Variants in RUNDC3B observed in about 807,000 individuals in gnomAD.
RUNDC3B encodes RUN domain-containing protein 3B.
In RUNDC3B, 33 loss-of-function variants were observed where a neutral mutation model predicts 58.4. That is an observed-to-expected ratio of 0.56 (90% CI 0.43 to 0.75). The LOEUF is 0.75. Ranked by LOEUF, RUNDC3B falls within the 30% of genes least tolerant of loss-of-function variation. RUNDC3B has a pLI of 0.00. For synonymous variants in RUNDC3B, 193 were observed against 195.2 expected, an observed-to-expected ratio of 0.99 and a Z score of 0.10; for missense variants, 501 against 535.7, an observed-to-expected ratio of 0.94 and a Z score of 0.64.
At chr7:87,726,742 T>G (rs1266570108) in intron 4 of RUNDC3B, among the ~76,000 whole-genome samples, 2 of 152,218 alleles carry the variant, frequency 1.3e-5, no homozygotes, top group Non-Finnish European at 1.5e-5. Flanking sequence ...TGTTCTTCCA[T>G]TTGTTTGTGT....
At chr7:87,709,958 C>T (rs912688700) in intron 3 of RUNDC3B, among the ~76,000 whole-genome samples, 1 of 152,058 alleles carries the variant, frequency 6.6e-6, no homozygotes, top group African/African-American at 2.4e-5. Context: ...AATATGCTGG[C>T]TTCTGTTTTT....
chr7:87,773,505 T>C (rs1217926834), intron 7 of RUNDC3B, among the ~76,000 whole-genome samples: 1 of 152,174 alleles, frequency 6.6e-6, no homozygotes, highest in African/African-American at 2.4e-5. Flanking sequence ...ATTTATAGAT[T>C]GAACGGATAT....
chr7:87,707,785 GT>G (rs1829740966), intron 3 of RUNDC3B, among the ~76,000 whole-genome samples: 1 of 152,092 alleles, frequency 6.6e-6, no homozygotes, highest in African/African-American at 2.4e-5. Context: ...CTGAGCCATA[GT>G]TTATCTCAGT....
intron 2 of RUNDC3B, among the ~76,000 whole-genome samples, chr7:87,681,741 A>T (rs1207688061): frequency 7.2e-6 from 1 of 137,974 alleles, no homozygotes; most frequent in Non-Finnish European, 1.6e-5. Context: ...GGCTGGGCAC[A>T]GTGGCTTACA....
At chr7:87,817,882 A>C (rs1164839797) in intron 10 of RUNDC3B, among the ~76,000 whole-genome samples, 1 of 152,232 alleles carries the variant, frequency 6.6e-6, no homozygotes, top group African/African-American at 2.4e-5. Flanking sequence ...TTATTGATCA[A>C]GTAACCATAT....
chr7:87,751,943 G>A (rs1002128870), intron 6 of RUNDC3B, among the ~76,000 whole-genome samples: 6 of 152,276 alleles, frequency 3.9e-5, no homozygotes, highest in African/African-American at 1.4e-4. Flanking sequence ...GGGCATCCCT[G>A]TCTTGTGCCA....
chr7:87,804,550 C>T lies in RUNDC3B; in HGVS notation c.957-2823C>T, dbSNP rs185871251. Among the ~76,000 whole-genome samples, 27 of 152,130 alleles carry T rather than the reference C, an allele frequency of 1.8e-4. 1 individual carries two copies. The East Asian group carries it at 4.4e-3, about 25-fold the overall frequency. ...TCTAGAAATTTAGAGGTAGATACCA[C>T]GGGGAAGTTCTGAAAATTAGCTGTG... On this transcript the variant is annotated intron_variant, in intron 8 of 10. Coordinates refer to ENST00000394654, the MANE Select transcript of RUNDC3B (RefSeq NM_001134405.2).
chr7:87,666,059 C>G (rs1382408677), intron 2 of RUNDC3B, among the ~76,000 whole-genome samples: 15 of 152,088 alleles, frequency 9.9e-5, no homozygotes, highest in Non-Finnish European at 1.5e-5. Context: ...AATTGCCATA[C>G]TGTCTTCCAC....
intron 1 of RUNDC3B, among the ~76,000 whole-genome samples, chr7:87,636,215 A>G (rs1821756032): frequency 6.6e-6 from 1 of 152,202 alleles, no homozygotes; most frequent in East Asian, 1.9e-4. Context: ...TAGGAGTTCC[A>G]GTTGTTCTGT....
intron 4 of RUNDC3B, among the ~76,000 whole-genome samples, chr7:87,726,184 G>C (rs576338224): frequency 6.6e-6 from 1 of 152,258 alleles, no homozygotes; most frequent in East Asian, 1.9e-4. Context: ...TGTCCTGAAT[G>C]GTACTGCCTA....
rs138029930 is a variant in RUNDC3B, at chr7:87,790,652, AAG to A, written c.956+12700_956+12701del. Among the ~76,000 whole-genome samples the A allele has an allele frequency of 3.1e-3, 469 of 152,278 alleles. 6 individuals carry two copies. The East Asian group carries it at 0.049, about 16-fold the overall frequency. ...TAACAAAGAGATTGAAATAATTAAA[AAG>A]AGTCAAACAGAAATTCCACAGCTGA... On this transcript the variant is annotated intron_variant, in intron 8 of 10. Coordinates refer to ENST00000394654, the MANE Select transcript of RUNDC3B (RefSeq NM_001134405.2).
rs546859455 is a variant in RUNDC3B at position 87,696,851 on chromosome 7, G to A, written c.239-3570G>A. Among the ~76,000 whole-genome samples the A allele has an allele frequency of 3.7e-4, 56 of 152,108 alleles. No individual in the cohort carries two copies. In the South Asian group the frequency reaches 0.011, roughly 31 times the overall value. ...TGGGAAATCTTTTCATTATCTTTTG[G>A]GTAAAAGTCCTTGTGGATAGTGTGC... On this transcript the variant is annotated intron_variant, in intron 2 of 10. Transcript: ENST00000394654.
At chr7:87,808,987 AT>A (rs1836573815) in intron 9 of RUNDC3B, among the ~76,000 whole-genome samples, 1 of 152,134 alleles carries the variant, frequency 6.6e-6, no homozygotes, top group Admixed American at 6.5e-5. Flanking sequence ...GTCACATTAG[AT>A]AGAGGTAAAA....
chr7:87,764,906 G>A (rs1487272614), intron 6 of RUNDC3B, among the ~76,000 whole-genome samples: 11 of 151,754 alleles, frequency 7.2e-5, no homozygotes, highest in Admixed American at 7.2e-4. Context: ...TTTCCTTTGG[G>A]TAGGAAATCC....
At chr7:87,715,552 T>A (rs1206308683) in intron 4 of RUNDC3B, among the ~76,000 whole-genome samples, 1 of 140,512 alleles carries the variant, frequency 7.1e-6, no homozygotes, top group Non-Finnish European at 1.5e-5. Flanking sequence ...TATATTAATA[T>A]AATATATTAA....
chr7:87,778,012 T>C, intron 8 of RUNDC3B, 57 bp downstream of exon 8: 1 of 1,474,950 alleles, frequency 6.8e-7, no homozygotes, highest in Admixed American at 2.1e-5. Flanking sequence ...AGACAAAATG[T>C]CGTGTTTTGA....
At chr7:87,752,599 C>G (rs917356504) in intron 6 of RUNDC3B, among the ~76,000 whole-genome samples, 14 of 152,218 alleles carry the variant, frequency 9.2e-5, no homozygotes, top group African/African-American at 3.1e-4. Context: ...CTGGTTTAGT[C>G]TTGGGAGAGT....
chr7:87,736,169 G>A (rs971217249), intron 4 of RUNDC3B, among the ~76,000 whole-genome samples: 5 of 152,150 alleles, frequency 3.3e-5, no homozygotes, highest in African/African-American at 1.2e-4. Flanking sequence ...ATTGGGGGAA[G>A]AGAACAAGCA....
Position 87,829,983 on chromosome 7 carries a change from G to T in RUNDC3B, c.1324G>T (p.Ala442Ser). Residue 442 changes from alanine (A) to serine (S), a missense_variant, in exon 11 of 11, where the codon GCA becomes TCA. By Grantham distance (99) the Ala-to-Ser change is moderately conservative. Coordinates refer to ENST00000394654, the MANE Select transcript of RUNDC3B (RefSeq NM_001134405.2). ...AAGCTTAAAATCTAATGACTACCTT[G>T]CAAGTCCTACAACAGAGATGACAAG... ...LTSLKSNDYL[A>S]SPTTEMTSPG... 2 of 1,610,000 alleles carry T rather than the reference G, an allele frequency of 1.2e-6. No individual in the cohort carries two copies. The highest frequency in any genetic ancestry group is 1.7e-6 in the Non-Finnish European group (2 of 1,177,986).
Sources: allele counts gnomAD v4.1 joint callset (sites outside exome capture counted in the v4.1 genomes callset), GRCh38; gene constraint gnomAD v4.1.1; transcripts MANE v1.5; gene names NCBI Gene and HGNC (gene_info 2026-07-23, HGNC 2026-07-21).